NRG1: variants seen among roughly 807,000 people sequenced by gnomAD.
The protein encoded by NRG1 is pro-neuregulin-1, membrane-bound isoform.
In NRG1, 18 loss-of-function variants were observed where a neutral mutation model predicts 63.8. The ratio of observed to expected loss-of-function variants is 0.28; its 90% CI spans 0.19 to 0.42. The LOEUF is 0.42. Among genes scored for constraint, NRG1 ranks in the 10% least tolerant of loss-of-function variants. The probability of loss-of-function intolerance (pLI) is 1.00; values close to 1 mark genes in which losing one functional copy is unlikely to be tolerated. For synonymous variants in NRG1, 302 were observed against 301.3 expected (o/e 1.00, Z -0.02); for missense variants, 762 against 814.7 (o/e 0.94, Z 0.79).
At chr8:32,449,047 C>T (rs535249332) in intron 1 of NRG1, among the ~76,000 whole-genome samples, 9 of 152,226 alleles carry the variant, frequency 5.9e-5, no homozygotes, top group South Asian at 4.1e-4. Flanking sequence ...CTAATCCCAA[C>T]GATTTGAGAG....
intron 1 of NRG1, among the ~76,000 whole-genome samples, chr8:31,779,815 G>T (rs1018994329): frequency 6.6e-6 from 1 of 152,220 alleles, no homozygotes; most frequent in Non-Finnish European, 1.5e-5. Flanking sequence ...TATATAAAAT[G>T]AGAGGGCTGT....
intron 5 of NRG1, among the ~76,000 whole-genome samples, chr8:32,699,745 T>A (rs1473733545): frequency 6.6e-6 from 1 of 152,172 alleles, no homozygotes; most frequent in African/African-American, 2.4e-5. Flanking sequence ...AGAAACATGC[T>A]AATATTACAG....
intron 1 of NRG1, among the ~76,000 whole-genome samples, chr8:32,136,080 T>C (rs1162956760): frequency 6.6e-6 from 1 of 152,026 alleles, no homozygotes; most frequent in Non-Finnish European, 1.5e-5. Context: ...TTTTTGCTCA[T>C]CTTACGATCA....
chr8:32,064,242 G>A (rs1301892503), intron 1 of NRG1, among the ~76,000 whole-genome samples: 8 of 152,086 alleles, frequency 5.3e-5, no homozygotes, highest in African/African-American at 1.9e-4. Flanking sequence ...GGATGCTGAG[G>A]CAACATTAAA....
intron 1 of NRG1, among the ~76,000 whole-genome samples, chr8:31,855,938 G>GC (rs1289943831): frequency 6.6e-6 from 1 of 151,588 alleles, no homozygotes; most frequent in African/African-American, 2.4e-5. Context: ...TTGAATATTG[G>GC]CCCCCACTCT....
intron 1 of NRG1, among the ~76,000 whole-genome samples, chr8:32,452,255 G>T (rs909167105): frequency 6.6e-6 from 1 of 152,160 alleles, no homozygotes; most frequent in Admixed American, 6.5e-5. Context: ...ACATGGAATG[G>T]ACTGGTAATA....
intron 1 of NRG1, among the ~76,000 whole-genome samples, chr8:32,023,081 A>T (rs1025400563): frequency 9.9e-5 from 15 of 152,254 alleles, no homozygotes; most frequent in African/African-American, 3.6e-4. Flanking sequence ...ATTAATTCAT[A>T]ATCATGTATA....
intron 1 of NRG1, among the ~76,000 whole-genome samples, chr8:32,308,399 A>G (rs928988848): frequency 1.3e-5 from 2 of 152,172 alleles, no homozygotes; most frequent in Non-Finnish European, 2.9e-5. Context: ...CTTAGACACT[A>G]TCTCATCCTC....
chr8:32,721,638 T>C (rs968927120), intron 5 of NRG1: 2 of 201,578 alleles, frequency 9.9e-6, no homozygotes, highest in Non-Finnish European at 2.0e-5. Context: ...TGATCTCCTC[T>C]GGCCACTTTC....
Position 32,354,401 on chromosome 8 carries a change from G to A in NRG1, c.38-241427G>A, listed in dbSNP as rs115009849. On this transcript the variant is annotated intron_variant, in intron 1 of 10. Coordinates refer to the NRG1 transcript ENST00000519301. ...AACAACAACAAAAAGTGTACATACT[G>A]CATGATACAAAATTCTAAGAAAAGA... Among the ~76,000 whole-genome samples the A allele has an allele frequency of 8.3e-3, 1,256 of 152,110 alleles. 13 individuals are homozygous for A. Among genetic ancestry groups the A allele is most frequent in the African/African-American group, 0.028 (1,168 of 41,502 alleles).
chr8:32,527,015 C>A (rs750582244), intron 1 of NRG1, among the ~76,000 whole-genome samples: 17 of 152,312 alleles, frequency 1.1e-4, no homozygotes, highest in Admixed American at 3.9e-4. Context: ...CAGCTCCAAC[C>A]TTTCCCCTAT....
intron 1 of NRG1, among the ~76,000 whole-genome samples, chr8:31,743,130 A>G (rs1324432164): frequency 6.6e-6 from 1 of 152,000 alleles, no homozygotes; most frequent in Non-Finnish European, 1.5e-5. Flanking sequence ...CATCCATTGT[A>G]AATGTGCCTT....
intron 1 of NRG1, among the ~76,000 whole-genome samples, chr8:32,117,009 G>A (rs951251891): frequency 1.0e-4 from 15 of 150,700 alleles, no homozygotes; most frequent in East Asian, 3.9e-4. Flanking sequence ...AGGTGTGATG[G>A]TATATGCCTG....
Position 31,746,638 on chromosome 8 carries a change from C to A in NRG1, c.37+107207C>A, listed in dbSNP as rs538285552. Reference sequence around the variant, plus strand: ...ACTAAAAATAGAGCTACCGTATGATCCAGCAATCTCACTGCTGGGTATAAC... The same window carrying A: ...ACTAAAAATAGAGCTACCGTATGATACAGCAATCTCACTGCTGGGTATAAC... On this transcript the variant is annotated intron_variant, in intron 1 of 10. Coordinates refer to the NRG1 transcript ENST00000519301. Among the ~76,000 whole-genome samples, 9 of 152,080 alleles carry A rather than the reference C, an allele frequency of 5.9e-5. No individual in the cohort carries two copies. The South Asian group carries it at 1.9e-3, about 32-fold the overall frequency.
chr8:32,185,001 A>T (rs182401792), intron 1 of NRG1, among the ~76,000 whole-genome samples: 226 of 152,312 alleles, frequency 1.5e-3, no homozygotes, highest in African/African-American at 5.3e-3. Context: ...TGTAGATGAC[A>T]TTCTGGAGAC....
intron 1 of NRG1, among the ~76,000 whole-genome samples, chr8:31,803,188 C>A (rs1476144653): frequency 6.6e-6 from 1 of 152,126 alleles, no homozygotes; most frequent in Admixed American, 6.5e-5. Context: ...AATAGGGAAA[C>A]CTATTTTCTC....
At chr8:31,828,973 C>A (rs1006826228) in intron 1 of NRG1, among the ~76,000 whole-genome samples, 1 of 152,182 alleles carries the variant, frequency 6.6e-6, no homozygotes, top group Non-Finnish European at 1.5e-5. Context: ...GTAGCAGATA[C>A]AGTGCTAGTT....
rs1034541826 is a variant in NRG1, at chr8:31,910,225, G to A, written c.37+270794G>A. ...CCAATCAGAACAGAAGCCATGAGGC[G>A]GGAAGAAGCTACATGTCTCTAACTT... On this transcript the variant is annotated intron_variant, in intron 1 of 10. Transcript: ENST00000519301. 5.9e-5 allele frequency among the ~76,000 whole-genome samples: 9 copies of A among 152,316 alleles called. No homozygotes were observed. In the East Asian group the frequency reaches 7.7e-4, roughly 13 times the overall value.
chr8:32,080,781 G>GCC (rs1827342931), intron 1 of NRG1, among the ~76,000 whole-genome samples: 2 of 150,572 alleles, frequency 1.3e-5, no homozygotes, highest in African/African-American at 4.9e-5. Flanking sequence ...GTGTGTGTGT[G>GCC]TGTGTGTGTG....
Sources: allele counts gnomAD v4.1 joint callset (sites outside exome capture counted in the v4.1 genomes callset), GRCh38; gene constraint gnomAD v4.1.1; transcripts MANE v1.5; gene names NCBI Gene and HGNC (gene_info 2026-07-23, HGNC 2026-07-21).